Variants in CAST observed in about 807,000 individuals in gnomAD.
CAST encodes calpastatin.
In CAST, 76 loss-of-function variants were observed where a neutral mutation model predicts 119.6. The ratio of observed to expected loss-of-function variants is 0.64; its 90% CI spans 0.53 to 0.77. The LOEUF is 0.77. Ranked by LOEUF, CAST falls within the 30% of genes least tolerant of loss-of-function variation. The pLI is 0.00. For synonymous variants in CAST, 319 were observed against 331.6 expected (o/e 0.96, Z 0.41); for missense variants, 953 against 946.5 (o/e 1.01, Z -0.09).
At chr5:96,445,111 G>T in the CAST span, among the ~76,000 whole-genome samples, 1 of 152,198 alleles carries the variant, frequency 6.6e-6, no homozygotes, top group Non-Finnish European at 1.5e-5. Flanking sequence ...GAACCCTGAG[G>T]ACTGCACTCA....
chr5:96,419,457 A>G, the CAST span, among the ~76,000 whole-genome samples: 1 of 146,120 alleles, frequency 6.8e-6, no homozygotes, highest in Non-Finnish European at 1.5e-5. Context: ...CTATATATAT[A>G]TACACTCACT....
chr5:96,449,881 A>G, the CAST span, among the ~76,000 whole-genome samples: 1 of 152,204 alleles, frequency 6.6e-6, no homozygotes, highest in African/African-American at 2.4e-5. Flanking sequence ...GATGGATTCA[A>G]TATTCTGGAC....
chr5:96,572,943 T>C (rs144788445), intron 1 of CAST, among the ~76,000 whole-genome samples: 2 of 152,186 alleles, frequency 1.3e-5, no homozygotes, highest in African/African-American at 2.4e-5. Context: ...GAAGGTTAAG[T>C]GAGTAACAAG....
chr5:96,538,477 A>G (rs1745858096), intron 1 of CAST, among the ~76,000 whole-genome samples: 2 of 152,226 alleles, frequency 1.3e-5, no homozygotes, highest in South Asian at 4.1e-4. Context: ...CAGATTAAAA[A>G]CAACAAACAC....
the CAST span, among the ~76,000 whole-genome samples, chr5:96,263,729 T>C: frequency 6.6e-6 from 1 of 152,112 alleles, no homozygotes; most frequent in Non-Finnish European, 1.5e-5. Flanking sequence ...ACCAGGTAAT[T>C]TATAAATAAA....
chr5:96,124,207 G>A, the CAST span, among the ~76,000 whole-genome samples: 2 of 152,048 alleles, frequency 1.3e-5, no homozygotes, highest in Non-Finnish European at 2.9e-5. Flanking sequence ...CAGTGATGGG[G>A]TCTGGCTATG....
At chr5:96,419,455 A>G in the CAST span, among the ~76,000 whole-genome samples, 4 of 145,818 alleles carry the variant, frequency 2.7e-5, no homozygotes, top group East Asian at 5.8e-4. Flanking sequence ...CTCTATATAT[A>G]TATACACTCA....
At chr5:96,533,285 A>T (rs1745724612) in intron 1 of CAST, among the ~76,000 whole-genome samples, 1 of 152,186 alleles carries the variant, frequency 6.6e-6, no homozygotes, top group Non-Finnish European at 1.5e-5. Context: ...CAACAAAAAG[A>T]TAACCTGGAA....
chr5:96,419,290 TG>T, the CAST span, among the ~76,000 whole-genome samples: 136 of 148,306 alleles, frequency 9.2e-4, no homozygotes, highest in African/African-American at 3.1e-3. Flanking sequence ...TGAGTTTATA[TG>T]TATATATATA....
At chr5:96,590,767 T>C (rs540154787) in intron 1 of CAST, among the ~76,000 whole-genome samples, 19 of 152,358 alleles carry the variant, frequency 1.2e-4, no homozygotes, top group African/African-American at 4.6e-4. Flanking sequence ...AAGTAAGATC[T>C]GCACAACAAC....
the CAST span, among the ~76,000 whole-genome samples, chr5:96,254,067 C>G: frequency 6.6e-6 from 1 of 151,968 alleles, no homozygotes; most frequent in Non-Finnish European, 1.5e-5. Context: ...GCTGTGAACT[C>G]TAATTATTTT....
the CAST span, among the ~76,000 whole-genome samples, chr5:96,358,189 T>A: frequency 6.6e-6 from 1 of 152,152 alleles, no homozygotes; most frequent in African/African-American, 2.4e-5. Context: ...CCCTCTATCA[T>A]TTTTTATTGT....
chr5:96,470,561 C>A, the CAST span, among the ~76,000 whole-genome samples: 1 of 152,036 alleles, frequency 6.6e-6, no homozygotes, highest in East Asian at 1.9e-4. Flanking sequence ...TTTCAGAGCA[C>A]TGTGTGTCAA....
the CAST span, among the ~76,000 whole-genome samples, chr5:96,055,246 T>C: frequency 2.0e-5 from 3 of 152,148 alleles, no homozygotes; most frequent in East Asian, 3.8e-4. Context: ...CCAAATCATA[T>C]TGACATTTTC....
chr5:96,141,003 T>C, the CAST span, among the ~76,000 whole-genome samples: 2 of 152,216 alleles, frequency 1.3e-5, no homozygotes, highest in East Asian at 1.9e-4. Flanking sequence ...TATAGTGGGA[T>C]TGCCGCCAGT....
chr5:96,172,822 C>A, the CAST span, among the ~76,000 whole-genome samples: 1 of 152,286 alleles, frequency 6.6e-6, no homozygotes, highest in South Asian at 2.1e-4. Flanking sequence ...CCAGGAACAA[C>A]GCTTAAATGA....
chr5:96,753,031 T>C (rs925427729), intron 20 of CAST, among the ~76,000 whole-genome samples: 9 of 151,428 alleles, frequency 5.9e-5, no homozygotes, highest in Non-Finnish European at 1.0e-4. Flanking sequence ...TCTCGTTCTG[T>C]CATCCAGGTT....
chr5:96,489,882 A>G, the CAST span, among the ~76,000 whole-genome samples: 1 of 152,218 alleles, frequency 6.6e-6, no homozygotes, highest in African/African-American at 2.4e-5. Flanking sequence ...TCTAAGAACA[A>G]TTAATTTGAG....
the CAST span, among the ~76,000 whole-genome samples, chr5:96,185,622 A>C: frequency 1.3e-5 from 2 of 152,086 alleles, no homozygotes; most frequent in African/African-American, 4.8e-5. Flanking sequence ...TCTCCATTGC[A>C]TGTTTTTGTC....
Sources: gnomAD v4.1 joint callset for allele counts (sites outside exome capture counted in the v4.1 genomes callset) on GRCh38, gnomAD v4.1.1 for gene constraint, MANE v1.5 for transcripts, NCBI Gene and HGNC (gene_info 2026-07-23, HGNC 2026-07-21) for gene names.